The following SPAG16 variants were observed in gnomAD, a reference collection of about 807,000 sequenced individuals.
The protein encoded by SPAG16 is sperm-associated antigen 16 protein.
Under a neutral mutation model 80.4 loss-of-function variants are expected in SPAG16, and 86 were observed. That is an observed-to-expected ratio of 1.07 (90% CI 0.90 to 1.28). The LOEUF (loss-of-function observed/expected upper bound fraction) is 1.28. Among genes scored for constraint, SPAG16 ranks in the 50% most tolerant of loss-of-function variants. The pLI is 0.00. For missense variants in SPAG16, 870 were observed against 765.3 expected (o/e 1.14, Z -1.61); for synonymous variants, 294 against 265.9 (o/e 1.11, Z -1.03).
At chr2:213,457,397 C>T (rs554646632) in intron 9 of SPAG16, among the ~76,000 whole-genome samples, 1 of 152,198 alleles carries the variant, frequency 6.6e-6, no homozygotes, top group African/African-American at 2.4e-5. Context: ...TTCTGAAGTT[C>T]TAATTTTCGT....
intron 14 of SPAG16, among the ~76,000 whole-genome samples, chr2:214,115,923 G>GAATCCTGC (rs1246619936): frequency 1.4e-5 from 2 of 142,974 alleles, no homozygotes; most frequent in East Asian, 4.1e-4. Flanking sequence ...CCGCCCACAA[G>GAATCCTGC]AATCCTGCAC....
intron 15 of SPAG16, among the ~76,000 whole-genome samples, chr2:214,352,569 T>TGTGTGTGTGTGTG (rs1278359696): frequency 1.7e-5 from 1 of 59,760 alleles, no homozygotes; most frequent in Non-Finnish European, 6.2e-5. Flanking sequence ...TGTGTGTGTG[T>TGTGTGTGTGTGTG]GTGTGTATGT....
intron 10 of SPAG16, among the ~76,000 whole-genome samples, chr2:213,642,090 G>T (rs552369503): frequency 9.2e-5 from 14 of 152,244 alleles, no homozygotes; most frequent in Admixed American, 9.2e-4. Context: ...ATTTGGGTGG[G>T]GACACAGAGC....
At chr2:213,800,395 C>T (rs1369054310) in intron 10 of SPAG16, among the ~76,000 whole-genome samples, 1 of 127,056 alleles carries the variant, frequency 7.9e-6, no homozygotes, top group Non-Finnish European at 1.6e-5. Flanking sequence ...TTTCTTTTGT[C>T]TCACTCTTTT....
At chr2:213,624,348 G>T (rs2061887474) in intron 10 of SPAG16, among the ~76,000 whole-genome samples, 1 of 152,006 alleles carries the variant, frequency 6.6e-6, no homozygotes, top group Non-Finnish European at 1.5e-5. Context: ...ATTTTAAAAA[G>T]CATCTTCAGA....
At position 213,734,185 on chromosome 2, in the gene SPAG16, A is replaced by G. The variant is rs140916625; in HGVS notation, c.1071-128300A>G. On this transcript the variant is annotated intron_variant, in intron 10 of 15. Transcript: ENST00000331683. ...TTTTCATTCTTGATCGAGTGATGGG[A>G]GGAAAGAATTGCAAGGACTGTAAAA... Among the ~76,000 whole-genome samples the G allele has an allele frequency of 1.1e-4, 17 of 152,254 alleles. No homozygotes were observed. The East Asian group carries it at 3.3e-3, about 29-fold the overall frequency.
intron 13 of SPAG16, among the ~76,000 whole-genome samples, chr2:214,086,410 A>G (rs752458118): frequency 2.0e-5 from 3 of 151,634 alleles, no homozygotes; most frequent in Non-Finnish European, 4.4e-5. Flanking sequence ...TGCAAATCTC[A>G]TCATGAATTG....
intron 10 of SPAG16, among the ~76,000 whole-genome samples, chr2:213,751,759 A>T (rs1277001027): frequency 6.6e-6 from 1 of 152,190 alleles, no homozygotes; most frequent in Non-Finnish European, 1.5e-5. Context: ...CTGCTGTATA[A>T]ACAAGTTTCC....
chr2:214,189,974 TTGAC>T (rs527251154), intron 15 of SPAG16, among the ~76,000 whole-genome samples: 21 of 152,268 alleles, frequency 1.4e-4, no homozygotes, highest in African/African-American at 4.3e-4. Flanking sequence ...AAAATTTTAA[TTGAC>T]TGAACCAGTC....
chr2:213,330,124 G>A (rs1575219723), intron 5 of SPAG16, among the ~76,000 whole-genome samples: 1 of 152,248 alleles, frequency 6.6e-6, no homozygotes, highest in Non-Finnish European at 1.5e-5. Context: ...CTCTGCTAAG[G>A]CAGTGCGGAA....
intron 13 of SPAG16, among the ~76,000 whole-genome samples, chr2:214,098,913 C>CTTTT (rs35821000): frequency 2.0e-5 from 3 of 151,126 alleles, no homozygotes; most frequent in East Asian, 3.9e-4. Context: ...GTCAATGAGA[C>CTTTT]TTTTTTTTTG....
At chr2:213,757,038 G>A (rs1198284196) in intron 10 of SPAG16, among the ~76,000 whole-genome samples, 1 of 152,106 alleles carries the variant, frequency 6.6e-6, no homozygotes, top group Non-Finnish European at 1.5e-5. Flanking sequence ...CAGCAAAGTT[G>A]CAGGACACAA....
intron 5 of SPAG16, among the ~76,000 whole-genome samples, chr2:213,319,939 A>G (rs1308517784): frequency 6.6e-6 from 1 of 151,970 alleles, no homozygotes; most frequent in Non-Finnish European, 1.5e-5. Context: ...GTTTATGGCT[A>G]TTTCTCAAAT....
At chr2:213,388,738 G>A (rs1023920779) in intron 9 of SPAG16, among the ~76,000 whole-genome samples, 3 of 152,080 alleles carry the variant, frequency 2.0e-5, no homozygotes, top group Non-Finnish European at 4.4e-5. Context: ...TTTATTTAAA[G>A]TAGTGTCAAA....
In SPAG16 at chr2:213,772,905, A is replaced by G. The variant is rs949199657; in HGVS notation, c.1071-89580A>G. On this transcript the variant is annotated intron_variant, in intron 10 of 15. Coordinates refer to ENST00000331683, the MANE Select transcript of SPAG16 (RefSeq NM_024532.5). ...AGCATAATTTTATAATTTCACTGTA[A>G]TGGTTTTATATATCTTTCATTAAAT... 4.6e-5 allele frequency among the ~76,000 whole-genome samples: 7 copies of G among 152,110 alleles called. No homozygotes were observed. The East Asian group carries it at 1.4e-3, about 29-fold the overall frequency.
At chr2:213,946,979 C>A (rs1347963754) in intron 12 of SPAG16, among the ~76,000 whole-genome samples, 1 of 151,122 alleles carries the variant, frequency 6.6e-6, no homozygotes, top group Non-Finnish European at 1.5e-5. Context: ...CTTTTTTTTT[C>A]ATTTAGCATA....
chr2:213,285,737 GA>G (rs2062031950), intron 1 of SPAG16: 1 of 438,308 alleles, frequency 2.3e-6, no homozygotes, highest in East Asian at 7.3e-5. Context: ...TACAGGAATA[GA>G]AATTTGAATC....
chr2:213,683,490 G>T (rs2064497107), intron 10 of SPAG16, among the ~76,000 whole-genome samples: 1 of 151,960 alleles, frequency 6.6e-6, no homozygotes, highest in African/African-American at 2.4e-5. Context: ...TGCAGAGGTT[G>T]CAGTGAGCCG....
chr2:213,919,868 A>T (rs889501770), intron 11 of SPAG16, among the ~76,000 whole-genome samples: 1 of 152,110 alleles, frequency 6.6e-6, no homozygotes, highest in African/African-American at 2.4e-5. Flanking sequence ...TGACTCAATG[A>T]TCTAATACTG....
Sources: allele counts gnomAD v4.1 joint callset (sites outside exome capture counted in the v4.1 genomes callset), GRCh38; gene constraint gnomAD v4.1.1; transcripts MANE v1.5; gene names NCBI Gene and HGNC (gene_info 2026-07-23, HGNC 2026-07-21).